The following UBAP2 variants were observed in gnomAD, a reference collection of about 807,000 sequenced individuals.
UBAP2 encodes the protein ubiquitin associated protein 2.
Under a neutral mutation model 139.6 loss-of-function variants are expected in UBAP2, and 75 were observed. The observed-to-expected ratio is 0.54, with a 90% confidence interval of 0.45 to 0.65. UBAP2 has a LOEUF of 0.65. Among genes scored for constraint, UBAP2 ranks in the 30% least tolerant of loss-of-function variants. UBAP2 has a pLI of 0.00. For missense variants in UBAP2, 1,368 were observed against 1,369.6 expected, an observed-to-expected ratio of 1.00 and a Z score of 0.02; for synonymous variants, 526 against 526.2, an observed-to-expected ratio of 1.00 and a Z score of 0.01.
Position 33,969,512 on chromosome 9 carries a change from G to A in UBAP2, c.679+2139C>T, listed in dbSNP as rs143815917. Among the ~76,000 whole-genome samples, 1,174 of 151,382 alleles carry A rather than the reference G, an allele frequency of 7.8e-3. 12 individuals carry two copies. Among genetic ancestry groups the A allele is most frequent in the African/African-American group, 0.026 (1,073 of 41,156 alleles). ...TACAGTGAGCTATGATCACACTACT[G>A]CACTCCAGCCTGGACAACAGAGTGA... On this transcript the variant is annotated intron_variant, in intron 8 of 28. Coordinates refer to ENST00000379238, the MANE Select transcript of UBAP2 (RefSeq NM_001370062.2).
intron 1 of UBAP2, among the ~76,000 whole-genome samples, chr9:34,032,516 G>A (rs1343438344): frequency 6.6e-6 from 1 of 152,138 alleles, no homozygotes; most frequent in African/African-American, 2.4e-5. Flanking sequence ...AAGGAAGGAA[G>A]ATATCAAAAT....
At chr9:33,936,665 CAAAT>C (rs755139390) in intron 16 of UBAP2, among the ~76,000 whole-genome samples, 16 of 152,024 alleles carry the variant, frequency 1.1e-4, no homozygotes, top group South Asian at 2.1e-4. Flanking sequence ...CAAAACAAAA[CAAAT>C]AAATAAATAA....
At chr9:33,998,751 T>C (rs1461292183) in intron 3 of UBAP2, 36 bp downstream of exon 3, 2 of 1,564,958 alleles carry the variant, frequency 1.3e-6, no homozygotes, top group South Asian at 1.1e-5. Flanking sequence ...TCAAAATAGA[T>C]TATAAAAATG....
chr9:34,020,908 C>T (rs1388733483), intron 1 of UBAP2, among the ~76,000 whole-genome samples: 6 of 150,852 alleles, frequency 4.0e-5, no homozygotes, highest in Admixed American at 1.3e-4. Context: ...GTGATCCACC[C>T]GCCTCGGCCT....
rs202185076 is a variant in UBAP2, at chr9:33,923,887, C to T, written c.2704G>A (p.Val902Met). The T allele has an allele frequency of 1.5e-5, 24 of 1,614,050 alleles. No individual in the cohort carries two copies. Among genetic ancestry groups the T allele is most frequent in the Middle Eastern group, 3.3e-4 (2 of 6,084 alleles). ...QTHHTAQQPFVNPALPPGYSY... is the reference protein window; with the variant it reads ...QTHHTAQQPFMNPALPPGYSY... ...TAGCCAGGTGGCAGTGCAGGATTCA[C>T]GAAGGGCTGCTGGGCTGTGTGGTGG... The change falls in exon 24 of 29, where the codon GTG becomes ATG. Residue 902 changes from valine (V) to methionine (M), a missense_variant. By Grantham distance (21) the Val-to-Met change is conservative (BLOSUM62 1). Transcript: ENST00000379238.
chr9:33,962,672 A>AATTAAT (rs1564032649), intron 9 of UBAP2, among the ~76,000 whole-genome samples: 16 of 134,114 alleles, frequency 1.2e-4, no homozygotes, highest in African/African-American at 4.6e-4. Flanking sequence ...AAATAAATAA[A>AATTAAT]TAAATAAATA....
intron 5 of UBAP2, among the ~76,000 whole-genome samples, chr9:33,987,787 C>T (rs1821344093): frequency 6.6e-6 from 1 of 152,148 alleles, no homozygotes; most frequent in Admixed American, 6.6e-5. Context: ...AGAATTTGCT[C>T]ATTAATTAGG....
At chr9:33,925,032 T>C (rs1416441896) in intron 22 of UBAP2, among the ~76,000 whole-genome samples, 4 of 152,166 alleles carry the variant, frequency 2.6e-5, no homozygotes, top group African/African-American at 9.7e-5. Flanking sequence ...GGGGGAAGTA[T>C]GGCAGATACA....
Position 34,009,680 on chromosome 9 carries a change from G to A in UBAP2, c.99+7370C>T, listed in dbSNP as rs372743079. Among the ~76,000 whole-genome samples the A allele has an allele frequency of 4.4e-4, 67 of 151,738 alleles. 2 individuals carry two copies. The highest frequency in any genetic ancestry group is 1.5e-3 in the African/African-American group (61 of 41,300). On this transcript the variant is annotated intron_variant, in intron 2 of 28. Coordinates refer to ENST00000379238, the MANE Select transcript of UBAP2 (RefSeq NM_001370062.2). ...TCACTACGTTACTCAGGCTGGTCTC[G>A]AACTCCTGGACTCAAGCAATCCTCC...
At chr9:33,979,288 A>C (rs1038238833) in intron 6 of UBAP2, among the ~76,000 whole-genome samples, 4 of 152,234 alleles carry the variant, frequency 2.6e-5, no homozygotes, top group African/African-American at 9.6e-5. Context: ...TCTCACCAAA[A>C]GACCAAAATA....
intron 6 of UBAP2, among the ~76,000 whole-genome samples, chr9:33,982,093 G>A (rs1459867414): frequency 1.3e-5 from 2 of 152,052 alleles, no homozygotes; most frequent in African/African-American, 4.8e-5. Context: ...ACTCCTTGCA[G>A]TTGCTTTTTA....
intron 8 of UBAP2, among the ~76,000 whole-genome samples, chr9:33,965,717 G>A (rs1424277890): frequency 1.3e-5 from 2 of 152,294 alleles, no homozygotes; most frequent in East Asian, 3.9e-4. Flanking sequence ...ATTGATTTAT[G>A]TGTCTTGCTT....
intron 13 of UBAP2, among the ~76,000 whole-genome samples, chr9:33,946,553 A>T (rs1326354749): frequency 7.9e-5 from 12 of 152,178 alleles, no homozygotes; most frequent in Non-Finnish European, 1.8e-4. Context: ...CTATGGGGCC[A>T]GATAGTACAA....
intron 19 of UBAP2, 83 bp from the exon 20 acceptor site, chr9:33,928,075 C>T: frequency 7.1e-7 from 1 of 1,404,790 alleles, no homozygotes; most frequent in African/African-American, 1.4e-5. Context: ...CGCTTGGGCC[C>T]AAGTCTCAAG....
At chr9:33,977,613 TTCC>T (rs1820266785) in intron 6 of UBAP2, among the ~76,000 whole-genome samples, 1 of 151,926 alleles carries the variant, frequency 6.6e-6, no homozygotes, top group Admixed American at 6.6e-5. Context: ...TGCTGTACCT[TTCC>T]TCCTCAAGCC....
chr9:33,954,267 T>TACACACACAC (rs368965909), intron 11 of UBAP2, among the ~76,000 whole-genome samples: 6,635 of 101,522 alleles, frequency 0.065, 213 homozygotes, highest in East Asian at 0.15. Context: ...AGTGTGTGTA[T>TACACACACAC]ATACACACAC....
chr9:33,939,938 GAAGAAA>G (rs1452134832), intron 16 of UBAP2, among the ~76,000 whole-genome samples: 8 of 96,698 alleles, frequency 8.3e-5, no homozygotes, highest in African/African-American at 2.9e-4. Flanking sequence ...GAAGGAAGAA[GAAGAAA>G]GAGGGAAGGA....
intron 4 of UBAP2, among the ~76,000 whole-genome samples, chr9:33,993,919 G>A (rs988052717): frequency 7.9e-5 from 10 of 126,432 alleles, no homozygotes; most frequent in South Asian, 7.7e-4. Flanking sequence ...TTTTGAGACC[G>A]AGTCTCGCAC....
At chr9:33,952,325 T>C (rs1310610126) in intron 12 of UBAP2, among the ~76,000 whole-genome samples, 2 of 152,236 alleles carry the variant, frequency 1.3e-5, no homozygotes, top group Non-Finnish European at 2.9e-5. Context: ...TCTAAGCTTA[T>C]ACTTCCATAA....
Sources: gnomAD v4.1 joint callset for allele counts (sites outside exome capture counted in the v4.1 genomes callset) on GRCh38, gnomAD v4.1.1 for gene constraint, MANE v1.5 for transcripts, NCBI Gene and HGNC (gene_info 2026-07-23, HGNC 2026-07-21) for gene names.